The following ZDHHC13 variants were observed in gnomAD, a reference collection of about 807,000 sequenced individuals.
ZDHHC13 encodes the protein zDHHC palmitoyltransferase 13.
In ZDHHC13, 85 loss-of-function variants were observed where a neutral mutation model predicts 86.0. The ratio of observed to expected loss-of-function variants is 0.99; its 90% confidence interval spans 0.83 to 1.18. The LOEUF (loss-of-function observed/expected upper bound fraction) is 1.18, where lower values mean the gene tolerates loss of function less well. Ranked by LOEUF, ZDHHC13 falls within the 50% of genes most tolerant of loss-of-function variation. ZDHHC13 has a pLI of 0.00. For synonymous variants in ZDHHC13, 263 were observed against 246.4 expected (o/e 1.07, Z -0.63); for missense variants, 711 against 730.2 (o/e 0.97, Z 0.30).
intron 1 of ZDHHC13, among the ~76,000 whole-genome samples, chr11:19,121,108 T>G (rs1848750449): frequency 6.6e-6 from 1 of 152,254 alleles, no homozygotes. Context: ...GAGAACCATT[T>G]ATCTAGTCTA....
chr11:19,141,147 T>A (rs1014704056), intron 1 of ZDHHC13, among the ~76,000 whole-genome samples: 6 of 152,050 alleles, frequency 3.9e-5, no homozygotes, highest in Non-Finnish European at 5.9e-5. Context: ...GAGAATGCAA[T>A]ATACTATGTT....
intron 1 of ZDHHC13, among the ~76,000 whole-genome samples, chr11:19,129,602 AT>A (rs899151787): frequency 2.6e-5 from 4 of 152,132 alleles, no homozygotes; most frequent in African/African-American, 4.8e-5. Flanking sequence ...ATTTATTAAT[AT>A]GGTGGGTTAC....
chr11:19,138,899 T>C (rs1306636625), intron 1 of ZDHHC13, among the ~76,000 whole-genome samples: 1 of 151,738 alleles, frequency 6.6e-6, no homozygotes. Flanking sequence ...AATTAGGTAT[T>C]GATGGGACGT....
At chr11:19,154,971 G>T (rs992579438) in intron 8 of ZDHHC13, among the ~76,000 whole-genome samples, 1 of 152,114 alleles carries the variant, frequency 6.6e-6, no homozygotes, top group Non-Finnish European at 1.5e-5. Context: ...ACTTTTGACT[G>T]CCAGCTGGTT....
At chr11:19,135,637 AAGAC>A (rs1222669769) in intron 1 of ZDHHC13, among the ~76,000 whole-genome samples, 3 of 152,182 alleles carry the variant, frequency 2.0e-5, no homozygotes, top group Non-Finnish European at 4.4e-5. Flanking sequence ...GACAAACAAA[AAGAC>A]AGCAGTAACC....
intron 16 of ZDHHC13, among the ~76,000 whole-genome samples, 173 bp downstream of exon 16, chr11:19,172,993 G>C (rs1195190044): frequency 6.6e-6 from 1 of 152,174 alleles, no homozygotes. Flanking sequence ...GTAAAGTCGT[G>C]AGCCCCACGG....
chr11:19,131,401 T>A (rs1195240473), intron 1 of ZDHHC13, among the ~76,000 whole-genome samples: 1 of 152,208 alleles, frequency 6.6e-6, no homozygotes, highest in Non-Finnish European at 1.5e-5. Context: ...GTAGTTACTG[T>A]GAGTTTATAA....
At chr11:19,133,417 A>G (rs752310901) in intron 1 of ZDHHC13, among the ~76,000 whole-genome samples, 2 of 151,916 alleles carry the variant, frequency 1.3e-5, no homozygotes, top group Admixed American at 6.6e-5. Flanking sequence ...ATATATATAT[A>G]TATACCTAGA....
At chr11:19,120,748 C>T (rs1257544021) in intron 1 of ZDHHC13, among the ~76,000 whole-genome samples, 2 of 152,006 alleles carry the variant, frequency 1.3e-5, no homozygotes, top group Non-Finnish European at 2.9e-5. Flanking sequence ...TCTTTTTTCC[C>T]TCTTTAAATT....
At chr11:19,123,150 A>G (rs561875799) in intron 1 of ZDHHC13, among the ~76,000 whole-genome samples, 1 of 152,364 alleles carries the variant, frequency 6.6e-6, no homozygotes, top group East Asian at 1.9e-4. Flanking sequence ...ATACACAGTA[A>G]TTAATTGCCG....
At chr11:19,165,260 A>G (rs1292938474) in intron 13 of ZDHHC13, 115 bp downstream of exon 13, 2 of 896,112 alleles carry the variant, frequency 2.2e-6, no homozygotes, top group Non-Finnish European at 3.5e-6. Flanking sequence ...CTAGTATTCC[A>G]ATAGCAATGG....
intron 2 of ZDHHC13, among the ~76,000 whole-genome samples, chr11:19,144,759 G>T (rs1242238904): frequency 6.6e-6 from 1 of 152,116 alleles, no homozygotes; most frequent in Non-Finnish European, 1.5e-5. Flanking sequence ...GAACTTTCAG[G>T]TAGTTTTAAG....
chr11:19,168,746 C>T, intron 14 of ZDHHC13: 1 of 918,018 alleles, frequency 1.1e-6, no homozygotes, highest in Non-Finnish European at 1.3e-6. Context: ...TTACTAGAGC[C>T]CTGCTCTATA....
At chr11:19,141,269 G>A (rs1849312865) in intron 1 of ZDHHC13, among the ~76,000 whole-genome samples, 1 of 152,102 alleles carries the variant, frequency 6.6e-6, no homozygotes, top group South Asian at 2.1e-4. Context: ...ATATCACTGT[G>A]ATTAGGGTCA....
chr11:19,155,754 G>A, intron 8 of ZDHHC13, 42 bp from the exon 9 acceptor site: 2 of 1,598,088 alleles, frequency 1.3e-6, no homozygotes, highest in Non-Finnish European at 1.7e-6. Flanking sequence ...ATACTTAAGA[G>A]GTAAAATCCA....
At chr11:19,155,713 G>C in intron 8 of ZDHHC13, 83 bp from the exon 9 acceptor site, 1 of 1,410,588 alleles carries the variant, frequency 7.1e-7, no homozygotes, top group Admixed American at 2.5e-5. Flanking sequence ...TATATACTTT[G>C]GAAGTAGTTC....
At chr11:19,153,588 C>A (rs1472880845) in intron 8 of ZDHHC13, among the ~76,000 whole-genome samples, 1 of 152,114 alleles carries the variant, frequency 6.6e-6, no homozygotes, top group Admixed American at 6.6e-5. Flanking sequence ...CTCCACTTCT[C>A]CCCCATCTCT....
At position 19,152,057 on chromosome 11, in the gene ZDHHC13, G is replaced by A. The variant is rs554865189; in HGVS notation, c.585-101G>A. ...CTCAGTTCTGAATACTTAACTGAATGGTTAATTGATGGCATTATCTTAAAA... is the reference window on the plus strand; with the variant it reads ...CTCAGTTCTGAATACTTAACTGAATAGTTAATTGATGGCATTATCTTAAAA... On this transcript the variant is annotated intron_variant, in intron 6 of 16. Coordinates refer to ENST00000446113, the MANE Select transcript of ZDHHC13 (RefSeq NM_019028.3). 3.1e-5 allele frequency: 39 copies of A among 1,264,336 alleles called. No individual in the cohort carries two copies. In the South Asian group the frequency reaches 5.3e-4, roughly 17 times the overall value. The allele number at this position is 1,264,336 out of a possible 1,614,324, so 78.3% of individuals were successfully genotyped here.
At chr11:19,163,975 C>G (rs898489528) in intron 11 of ZDHHC13, among the ~76,000 whole-genome samples, 1 of 152,026 alleles carries the variant, frequency 6.6e-6, no homozygotes, top group Non-Finnish European at 1.5e-5. Context: ...GTGGGTTTTT[C>G]TTTTTTAATG....
Sources: gnomAD v4.1 joint callset for allele counts (sites outside exome capture counted in the v4.1 genomes callset) on GRCh38, gnomAD v4.1.1 for gene constraint, MANE v1.5 for transcripts, NCBI Gene and HGNC (gene_info 2026-07-23, HGNC 2026-07-21) for gene names.